EYS: variants seen among roughly 807,000 people sequenced by gnomAD.
EYS encodes protein eyes shut homolog.
In EYS, 250 loss-of-function variants were observed where a neutral mutation model predicts 282.1. The observed-to-expected ratio is 0.89, with a 90% confidence interval of 0.80 to 0.98. The LOEUF (loss-of-function observed/expected upper bound fraction) is 0.98, where lower values mean the gene tolerates loss of function less well. Among genes scored for constraint, EYS ranks in the 50% least tolerant of loss-of-function variants. The pLI is 0.00. For missense variants in EYS, 4,016 were observed against 3,709.0 expected, an observed-to-expected ratio of 1.08 and a Z score of -2.15; for synonymous variants, 1,355 against 1,282.9, an observed-to-expected ratio of 1.06 and a Z score of -1.20.
intron 12 of EYS, among the ~76,000 whole-genome samples, chr6:65,181,537 T>C (rs1288623622): frequency 1.3e-5 from 2 of 152,046 alleles, no homozygotes; most frequent in Non-Finnish European, 1.5e-5. Context: ...AGAATGGCAA[T>C]CATTAAAAAG....
At chr6:64,349,629 T>C (rs968948454) in intron 29 of EYS, among the ~76,000 whole-genome samples, 1 of 151,254 alleles carries the variant, frequency 6.6e-6, no homozygotes, top group African/African-American at 2.4e-5. Context: ...TCTCCTTTGA[T>C]TATTAAAAAT....
At chr6:64,842,387 T>C (rs997593211) in intron 19 of EYS, among the ~76,000 whole-genome samples, 1 of 151,758 alleles carries the variant, frequency 6.6e-6, no homozygotes, top group African/African-American at 2.4e-5. Flanking sequence ...TGAATTGTAC[T>C]CCCATAATTC....
intron 41 of EYS, among the ~76,000 whole-genome samples, chr6:63,735,268 G>A (rs773360122): frequency 1.2e-4 from 19 of 152,012 alleles, no homozygotes; most frequent in Admixed American, 8.5e-4. Flanking sequence ...AAACAATGGC[G>A]GTTTGAGTGT....
In EYS at chr6:63,721,585, C is replaced by T; in HGVS notation, c.8446G>A (p.Asp2816Asn). Reference sequence around the variant, plus strand: ...CCAATATAGAAGTCTGTATTTGTGTCCAGAGAACTCATTTTAGTGGAGGCC... The same window carrying T: ...CCAATATAGAAGTCTGTATTTGTGTTCAGAGAACTCATTTTAGTGGAGGCC... ...EKASTKMSSLDTNTDFYIGGV... is the reference protein window; with the variant it reads ...EKASTKMSSLNTNTDFYIGGV... Residue 2816 changes from aspartate to asparagine, a missense_variant, in exon 43 of 43, where the codon GAC (aspartate) becomes AAC (asparagine). Transcript: ENST00000503581. 1 of 1,551,618 alleles carries T rather than the reference C, an allele frequency of 6.4e-7. No homozygotes were observed. The highest frequency in any genetic ancestry group is 1.4e-5 in the African/African-American group (1 of 73,150).
At chr6:64,045,263 A>G (rs72875097) in intron 33 of EYS, among the ~76,000 whole-genome samples, 6 of 152,114 alleles carry the variant, frequency 3.9e-5, no homozygotes, top group Non-Finnish European at 7.4e-5. Context: ...GGAATACTTT[A>G]AAAAGGTGAG....
intron 41 of EYS, among the ~76,000 whole-genome samples, chr6:63,747,807 G>T (rs1769247226): frequency 6.6e-6 from 1 of 151,966 alleles, no homozygotes; most frequent in Non-Finnish European, 1.5e-5. Context: ...CTTGGTAAAT[G>T]TTCCTTCATC....
chr6:63,831,923 G>A (rs150780350), intron 36 of EYS, among the ~76,000 whole-genome samples: 2,035 of 151,904 alleles, frequency 0.013, 34 homozygotes, highest in African/African-American at 0.047. Flanking sequence ...CACTCAAAAC[G>A]GCTCAACTAC....
At chr6:63,845,389 A>ATTT (rs61568416) in intron 36 of EYS, among the ~76,000 whole-genome samples, 16,753 of 145,434 alleles carry the variant, frequency 0.12, 1,099 homozygotes, top group African/African-American at 0.18. Context: ...TGATGCAAGG[A>ATTT]TTTTTTTTTT....
At chr6:65,527,413 G>A (rs1767610267) in intron 2 of EYS, among the ~76,000 whole-genome samples, 1 of 152,172 alleles carries the variant, frequency 6.6e-6, no homozygotes, top group Admixed American at 6.5e-5. Flanking sequence ...GGACAGCCCA[G>A]TAACATGATG....
intron 33 of EYS, among the ~76,000 whole-genome samples, chr6:64,023,094 G>A (rs1168536569): frequency 1.3e-5 from 2 of 152,260 alleles, no homozygotes; most frequent in Admixed American, 6.5e-5. Flanking sequence ...TTTCACATAA[G>A]TGGAATCATA....
chr6:64,154,900 A>G (rs1774866358), intron 31 of EYS, among the ~76,000 whole-genome samples: 1 of 152,188 alleles, frequency 6.6e-6, no homozygotes, highest in Non-Finnish European at 1.5e-5. Context: ...ATTGGCTATT[A>G]TAACTCCAGG....
chr6:64,526,553 C>T (rs887672190), intron 26 of EYS, among the ~76,000 whole-genome samples: 3 of 151,776 alleles, frequency 2.0e-5, no homozygotes, highest in Non-Finnish European at 1.5e-5. Context: ...GTTGTACCAT[C>T]TCTGTTACAT....
At chr6:63,838,598 G>A (rs1190716287) in intron 36 of EYS, among the ~76,000 whole-genome samples, 2 of 152,078 alleles carry the variant, frequency 1.3e-5, no homozygotes, top group Admixed American at 1.3e-4. Context: ...CTTTTAGTAG[G>A]CAGTGTTCCT....
chr6:65,548,720 T>C (rs975404617), intron 2 of EYS, among the ~76,000 whole-genome samples: 15 of 152,236 alleles, frequency 9.9e-5, no homozygotes, highest in African/African-American at 3.6e-4. Flanking sequence ...ATTCTGCAAC[T>C]GTTCTACACT....
chr6:63,753,138 GTGTATATATATATATATATATATATATA>G (rs1267787466), intron 41 of EYS, among the ~76,000 whole-genome samples: 1 of 64,326 alleles, frequency 1.6e-5, no homozygotes, highest in Admixed American at 2.0e-4. Flanking sequence ...ATGTGTGTGT[GTGTATATATATATATATATATATATATA>G]TGTATATATA....
intron 12 of EYS, among the ~76,000 whole-genome samples, chr6:65,225,481 C>T (rs77213500): frequency 5.3e-5 from 8 of 151,426 alleles, no homozygotes; most frequent in Non-Finnish European, 7.4e-5. Flanking sequence ...TTTGGGAGGT[C>T]GAGGCGGGCA....
At chr6:64,940,279 G>A (rs962858834) in intron 15 of EYS, among the ~76,000 whole-genome samples, 1 of 151,916 alleles carries the variant, frequency 6.6e-6, no homozygotes, top group Admixed American at 6.6e-5. Context: ...TGCAACCCTA[G>A]GTGTGTTCCC....
intron 13 of EYS, among the ~76,000 whole-genome samples, chr6:65,036,324 A>C (rs1772769912): frequency 6.6e-6 from 1 of 152,020 alleles, no homozygotes; most frequent in African/African-American, 2.4e-5. Flanking sequence ...ATATACAAAA[A>C]TCAACTAAAG....
intron 5 of EYS, among the ~76,000 whole-genome samples, chr6:65,437,181 T>C (rs1446288424): frequency 6.6e-6 from 1 of 152,150 alleles, no homozygotes; most frequent in Non-Finnish European, 1.5e-5. Context: ...GCTGTTTTAC[T>C]AAAATGGCTC....
Sources: gnomAD v4.1 joint callset for allele counts (sites outside exome capture counted in the v4.1 genomes callset) on GRCh38, gnomAD v4.1.1 for gene constraint, MANE v1.5 for transcripts, NCBI Gene and HGNC (gene_info 2026-07-23, HGNC 2026-07-21) for gene names.